Variants in UBR4 observed in about 807,000 individuals in gnomAD.
The protein encoded by UBR4 is ubiquitin protein ligase E3 component n-recognin 4, also known as E3 ubiquitin-protein ligase UBR4.
In UBR4, 124 loss-of-function variants were observed where a neutral mutation model predicts 575.6. The ratio of observed to expected loss-of-function variants is 0.22; its 90% CI spans 0.19 to 0.25. The LOEUF (loss-of-function observed/expected upper bound fraction) is 0.25. UBR4 is among the 10% of genes least tolerant of loss of function. The pLI, the probability that UBR4 is intolerant of heterozygous loss-of-function variation, is 1.00. For synonymous variants in UBR4, 2,455 were observed against 2,473.7 expected (o/e 0.99, Z 0.22); for missense variants, 4,818 against 6,478.8 (o/e 0.74, Z 8.80).
Position 19,153,247 on chromosome 1 carries a change from T to C in UBR4, c.6832+54A>G, listed in dbSNP as rs532197945. On this transcript the variant is annotated intron_variant, in intron 46 of 105. Transcript: ENST00000375254. This position sits in a 1 kb window ranked among gnomAD's most constrained non-coding sequence, Gnocchi z 4.1. ...TTCAACAGTCTATTCTGAGTCACTG[T>C]CTAGAAGACCACCATTCCTACTCCC... 50 of 1,573,046 alleles carry C rather than the reference T, an allele frequency of 3.2e-5. No individual in the cohort carries two copies. The highest frequency in any genetic ancestry group is 3.8e-5 in the Non-Finnish European group (43 of 1,143,594).
chr1:19,077,920 G>C (rs750841800), intron 104 of UBR4, 56 bp downstream of exon 104: 1 of 1,612,454 alleles, frequency 6.2e-7, no homozygotes, highest in Non-Finnish European at 8.5e-7. Flanking sequence ...AGGGACAGGA[G>C]TGCAGACATT....
In UBR4 at chr1:19,210,243, C is replaced by A; in HGVS notation, c.6G>T (p.Ala2=). The A allele has an allele frequency of 7.0e-7, 1 of 1,436,316 alleles. No homozygotes were observed. The highest frequency in any genetic ancestry group is 1.5e-5 in the African/African-American group (1 of 67,346). 89.0% of individuals were successfully genotyped at this position (1,436,316 alleles called of 1,614,324 possible). A position where few individuals can be genotyped will look rare whatever the true frequency, so the allele number is the denominator to read the frequency against. The part of the protein sequence containing the change: M[A]TSGGEEAAAA... ...CCGCCGCCTCTTCGCCGCCGCTCGT[C>A]GCCATCTTCCGTCGTACTACTGCGG... Residue 2 remains alanine, a synonymous_variant, in exon 1 of 106, where the codon GCG becomes GCT. Coordinates refer to ENST00000375254, the MANE Select transcript of UBR4 (RefSeq NM_020765.3).
intron 1 of UBR4, among the ~76,000 whole-genome samples, chr1:19,208,466 C>CAAAAAAA (rs71030137): frequency 1.8e-4 from 14 of 76,854 alleles, no homozygotes; most frequent in Non-Finnish European, 2.1e-4. Context: ...GAATCCATCT[C>CAAAAAAA]AAAAAAAAAA....
chr1:19,135,435 C>A (rs2083091057), intron 60 of UBR4, among the ~76,000 whole-genome samples: 2 of 152,104 alleles, frequency 1.3e-5, no homozygotes, highest in African/African-American at 4.8e-5. Context: ...ATAACTCCAG[C>A]CAAAATTTAT....
intron 1 of UBR4, among the ~76,000 whole-genome samples, chr1:19,206,411 C>T (rs1011462849): frequency 1.3e-5 from 2 of 151,738 alleles, no homozygotes; most frequent in African/African-American, 4.8e-5. Context: ...CTGCAACTTT[C>T]GCCTCCCTGG....
intron 11 of UBR4, among the ~76,000 whole-genome samples, chr1:19,188,973 A>T (rs2091816133): frequency 6.6e-6 from 1 of 152,202 alleles, no homozygotes; most frequent in Admixed American, 6.5e-5. Context: ...CCTCTGTAAA[A>T]ATAATAATAA....
At position 19,076,168 on chromosome 1, in the gene UBR4, T is replaced by A. The variant is rs114510771; in HGVS notation, c.15487+572A>T. On this transcript the variant is annotated intron_variant, in intron 105 of 105. Transcript: ENST00000375254. ...TTTGCAATTAGAATGACAAATTTGT[T>A]ACACAAAGAATTTCAATTTTACTAG... Among the ~76,000 whole-genome samples, 92 of 152,302 alleles carry A rather than the reference T, an allele frequency of 6.0e-4. 1 individual carries two copies. The highest frequency in any genetic ancestry group is 2.7e-3 in the South Asian group (13 of 4,824).
At chr1:19,172,572 A>T (rs2089729894) in intron 25 of UBR4, among the ~76,000 whole-genome samples, 1 of 152,216 alleles carries the variant, frequency 6.6e-6, no homozygotes, top group African/African-American at 2.4e-5. Context: ...GCTTTAACTC[A>T]GTTAATAACA....
At chr1:19,092,722 G>A (rs2077644227) in intron 97 of UBR4, 97 bp downstream of exon 97, 1 of 979,938 alleles carries the variant, frequency 1.0e-6, no homozygotes, top group African/African-American at 1.7e-5. Context: ...TTCTACTCTA[G>A]AAGTCTCATA....
At chr1:19,205,417 C>T (rs1034801927) in intron 1 of UBR4, among the ~76,000 whole-genome samples, 8 of 152,122 alleles carry the variant, frequency 5.3e-5, no homozygotes, top group African/African-American at 1.9e-4. Context: ...AGCTCCTTTC[C>T]CCTCATCAGT....
rs896268670 is a variant in UBR4, at chr1:19,137,961, G to A, written c.8906+46C>T. 2.1e-6 allele frequency: 3 copies of A among 1,432,982 alleles called. No homozygotes were observed. In the African/African-American group the frequency reaches 4.3e-5, roughly 21 times the overall value. The allele number at this position is 1,432,982 out of a possible 1,614,324, so 88.8% of individuals were successfully genotyped here. On this transcript the variant is annotated intron_variant, in intron 60 of 105. Coordinates refer to ENST00000375254, the MANE Select transcript of UBR4 (RefSeq NM_020765.3). ...GATCAGTCCTACTATTCCTGAAATAGTCTCAGATAGGCAAGCCTCTTAACT... is the reference window on the plus strand; with the variant it reads ...GATCAGTCCTACTATTCCTGAAATAATCTCAGATAGGCAAGCCTCTTAACT...
chr1:19,152,095 C>T lies in UBR4; in HGVS notation c.6996+218G>A, dbSNP rs371924007. On this transcript the variant is annotated intron_variant, in intron 47 of 105. Coordinates refer to ENST00000375254, the MANE Select transcript of UBR4 (RefSeq NM_020765.3). This position sits in a 1 kb window ranked among gnomAD's most constrained non-coding sequence, Gnocchi z 4.4. ...AACCACCTCTTTGATGTCCTCTACA[C>T]AGTAATCCTGCTGGTATTGGTGGAA... 5.3e-5 allele frequency among the ~76,000 whole-genome samples: 8 copies of T among 152,334 alleles called. No homozygotes were observed. The East Asian group carries it at 9.6e-4, about 18-fold the overall frequency.
chr1:19,076,918 G>T lies in UBR4; in HGVS notation c.15325-16C>A. ...TAGGCACCTTCTACGAGAATCAACA[G>T]GAGACAAGAGAGGTGGGTGACTTAC... On this transcript the variant is annotated splice_polypyrimidine_tract_variant and intron_variant, in intron 104 of 105. Transcript: ENST00000375254. 2.0e-6 allele frequency: 3 copies of T among 1,532,944 alleles called. No individual in the cohort carries two copies. Among genetic ancestry groups the T allele is most frequent in the Non-Finnish European group, 2.6e-6 (3 of 1,143,080 alleles). 95.0% of individuals were successfully genotyped at this position (1,532,944 alleles called of 1,614,324 possible).
At chr1:19,104,740 G>A (rs2079006730) in intron 85 of UBR4, 74 bp from the exon 86 acceptor site, 1 of 1,474,316 alleles carries the variant, frequency 6.8e-7, no homozygotes, top group Non-Finnish European at 9.4e-7. Flanking sequence ...ACTGTCCCAG[G>A]AGCTTGCAGC....
intron 8 of UBR4, 38 bp from the exon 9 acceptor site, chr1:19,193,595 C>T (rs767888771): frequency 6.4e-7 from 1 of 1,570,446 alleles, no homozygotes; most frequent in Non-Finnish European, 8.7e-7. Flanking sequence ...CCATGGAGTG[C>T]ATCCAAGAAT....
At chr1:19,119,022 T>C in intron 70 of UBR4, 65 bp from the exon 71 acceptor site, 1 of 1,487,862 alleles carries the variant, frequency 6.7e-7, no homozygotes, top group Non-Finnish European at 9.4e-7. Flanking sequence ...GAAAAGACTT[T>C]TGTCTTCTGC....
intron 104 of UBR4, 99 bp from the exon 105 acceptor site, chr1:19,077,001 C>T: frequency 3.0e-6 from 4 of 1,317,092 alleles, no homozygotes; most frequent in Non-Finnish European, 4.1e-6. Context: ...CAAAGGACAG[C>T]CCTCCCAACC....
intron 9 of UBR4, 135 bp downstream of exon 9, chr1:19,193,298 A>C: frequency 1.6e-6 from 2 of 1,232,932 alleles, no homozygotes; most frequent in Non-Finnish European, 2.3e-6. Context: ...CCTACCTCTT[A>C]GACCTACTAG....
rs1266722768 is a variant in UBR4, at chr1:19,139,958, G to A, written c.8594-738C>T. Among the ~76,000 whole-genome samples the A allele has an allele frequency of 1.3e-5, 2 of 152,136 alleles. No individual in the cohort carries two copies. The highest frequency in any genetic ancestry group is 1.5e-5 in the Non-Finnish European group (1 of 68,016). On this transcript the variant is annotated intron_variant, in intron 58 of 105. Coordinates refer to ENST00000375254, the MANE Select transcript of UBR4 (RefSeq NM_020765.3). This position sits in a 1 kb window ranked among gnomAD's most constrained non-coding sequence, Gnocchi z 4.2. The stretch of plus-strand genomic sequence containing the variant: ...CAGCCACAGAGCACAGCGGGAACAC[G>A]ACTGGCACAACACAACAGCAACCTC...
Sources: allele counts gnomAD v4.1 joint callset (sites outside exome capture counted in the v4.1 genomes callset), GRCh38; gene constraint gnomAD v4.1.1; non-coding constraint Gnocchi (gnomAD v3.1); transcripts MANE v1.5; gene names NCBI Gene and HGNC (gene_info 2026-07-23, HGNC 2026-07-21).